Variants in AIG1 observed in about 807,000 individuals in gnomAD.
The protein encoded by AIG1 is androgen-induced gene 1 protein.
Under a neutral mutation model 31.4 loss-of-function variants are expected in AIG1, and 23 were observed. The observed-to-expected ratio is 0.73, with a 90% confidence interval of 0.53 to 1.04. The LOEUF (loss-of-function observed/expected upper bound fraction) is 1.04, where lower values mean the gene tolerates loss of function less well. Among genes scored for constraint, AIG1 ranks in the 50% least tolerant of loss-of-function variants. AIG1 has a pLI of 0.00. For missense variants in AIG1, 274 were observed against 295.0 expected (o/e 0.93, Z 0.52); for synonymous variants, 100 against 110.5 (o/e 0.90, Z 0.60).
chr6:143,205,596 C>T (rs1791049747), intron 3 of AIG1, among the ~76,000 whole-genome samples: 1 of 152,192 alleles, frequency 6.6e-6, no homozygotes, highest in Non-Finnish European at 1.5e-5. Context: ...GTAAAGTACA[C>T]AAATTGGATT....
downstream of AIG1, chr6:143,343,067 GTGCATCTCGCGCCATCATGA>G (rs1233857640): frequency 1.4e-5 from 11 of 782,418 alleles, no homozygotes; most frequent in African/African-American, 1.7e-4. Flanking sequence ...CCATCACTTG[GTGCATCTCGCGCCATCATGA>G]TGATCCTCGC....
chr6:143,304,627 C>T (rs952402770), intron 4 of AIG1, among the ~76,000 whole-genome samples: 8 of 151,936 alleles, frequency 5.3e-5, no homozygotes, highest in African/African-American at 1.7e-4. Context: ...ATTCAGTTTG[C>T]CAGTATTTTA....
chr6:143,180,638 G>T (rs1327716889), intron 3 of AIG1, among the ~76,000 whole-genome samples: 2 of 152,152 alleles, frequency 1.3e-5, no homozygotes, highest in Admixed American at 6.5e-5. Context: ...ACTAATTCAT[G>T]TTTATAAAGT....
At position 143,143,546 on chromosome 6, in the gene AIG1, TATATATATAC is replaced by T. The variant is rs1269624152; in HGVS notation, c.297+6558_297+6567del. Among the ~76,000 whole-genome samples, 1,100 of 117,142 alleles carry T rather than the reference TATATATATAC, an allele frequency of 9.4e-3. 49 individuals are homozygous for T. The highest frequency in any genetic ancestry group is 0.036 in the African/African-American group (984 of 27,248). The allele number at this position is 117,142 out of a possible 152,430, so 76.8% of individuals were successfully genotyped here. On this transcript the variant is annotated intron_variant, in intron 2 of 5. Transcript: ENST00000357847. ...AAAAAAAAATATATATATATATATA[TATATATATAC>T]ACACACACTTAATATCTTCTGATCC...
intron 3 of AIG1, 126 bp downstream of exon 3, chr6:143,165,309 G>A: frequency 1.5e-6 from 1 of 677,582 alleles, no homozygotes; most frequent in South Asian, 1.9e-5. Context: ...GTTATAATGG[G>A]AGATTAAAAT....
At chr6:143,263,759 A>G (rs192336404) in intron 3 of AIG1, among the ~76,000 whole-genome samples, 2 of 152,336 alleles carry the variant, frequency 1.3e-5, no homozygotes, top group East Asian at 1.9e-4. Flanking sequence ...TAATGGTTGT[A>G]TAATATTCCA....
At chr6:143,132,553 G>A (rs954075009) in intron 1 of AIG1, among the ~76,000 whole-genome samples, 7 of 151,728 alleles carry the variant, frequency 4.6e-5, no homozygotes, top group Non-Finnish European at 5.9e-5. Flanking sequence ...GGATTGATAC[G>A]GTTTTCTTTG....
At chr6:143,281,872 C>G (rs751652032) in intron 3 of AIG1, among the ~76,000 whole-genome samples, 1 of 152,174 alleles carries the variant, frequency 6.6e-6, no homozygotes, top group Non-Finnish European at 1.5e-5. Flanking sequence ...ACAAAAAGAT[C>G]TTTTGTCTGT....
chr6:143,337,847 C>T (rs926423896), intron 5 of AIG1: 2 of 396,826 alleles, frequency 5.0e-6, no homozygotes, highest in African/African-American at 4.1e-5. Flanking sequence ...AGTCTTGTCC[C>T]CTCTGGTCCC....
At chr6:143,119,075 T>A (rs1053805423) in intron 1 of AIG1, among the ~76,000 whole-genome samples, 13 of 152,144 alleles carry the variant, frequency 8.5e-5, no homozygotes, top group Admixed American at 4.6e-4. Flanking sequence ...AATTTCATCA[T>A]GTTGCCCAGG....
chr6:143,165,137 C>T lies in AIG1; in HGVS notation c.353C>T (p.Pro118Leu), dbSNP rs138489752. 2.1e-5 allele frequency: 34 copies of T among 1,613,402 alleles called. No individual in the cohort carries two copies. The South Asian group carries it at 3.0e-4, about 14-fold the overall frequency. Residue 118 changes from proline to leucine, a missense_variant, in exon 3 of 6, where the codon CCG becomes CTG. Transcript: ENST00000357847. ...GCCTATGACAGAGAGATGATATACC[C>T]GAAGCTGCTGGATAATTTTATCCCA... Reference protein sequence around the residue: ...IYAYDREMIYPKLLDNFIPGW... With the variant: ...IYAYDREMIYLKLLDNFIPGW...
At chr6:143,272,867 A>G (rs1796628685) in intron 3 of AIG1, among the ~76,000 whole-genome samples, 1 of 152,210 alleles carries the variant, frequency 6.6e-6, no homozygotes, top group Non-Finnish European at 1.5e-5. Context: ...GCGGTGGCTC[A>G]TGCCTGTGAT....
intron 1 of AIG1, among the ~76,000 whole-genome samples, chr6:143,064,877 C>A (rs1327285979): frequency 6.6e-6 from 1 of 152,154 alleles, no homozygotes; most frequent in Non-Finnish European, 1.5e-5. Flanking sequence ...TTTAATTCAC[C>A]TGGGTGCAGG....
chr6:143,138,892 C>CA (rs36106013), intron 2 of AIG1, among the ~76,000 whole-genome samples: 2,140 of 72,626 alleles, frequency 0.029, 47 homozygotes, highest in East Asian at 0.12. Context: ...GACTCTGTCT[C>CA]AAAAAAAAAA....
intron 3 of AIG1, among the ~76,000 whole-genome samples, chr6:143,253,145 C>G (rs1020367315): frequency 4.6e-5 from 7 of 152,316 alleles, no homozygotes; most frequent in African/African-American, 1.4e-4. Flanking sequence ...CAGCCGCACT[C>G]GAGGGCATGA....
intron 3 of AIG1, among the ~76,000 whole-genome samples, chr6:143,264,472 C>T (rs1325331940): frequency 2.0e-5 from 3 of 152,220 alleles, no homozygotes; most frequent in Non-Finnish European, 4.4e-5. Flanking sequence ...ATGGGCAGGG[C>T]ACGGGTGCCT....
chr6:143,145,439 G>T (rs940375174), intron 2 of AIG1, among the ~76,000 whole-genome samples: 2 of 152,172 alleles, frequency 1.3e-5, no homozygotes, highest in African/African-American at 4.8e-5. Context: ...AAAGCACCAA[G>T]CATCACATCC....
chr6:143,166,763 A>G (rs1044085698), intron 3 of AIG1, among the ~76,000 whole-genome samples: 2 of 152,184 alleles, frequency 1.3e-5, no homozygotes, highest in African/African-American at 4.8e-5. Context: ...CAGTGATTGT[A>G]TCATTAAATT....
chr6:143,273,591 A>G (rs1235447803), intron 3 of AIG1, among the ~76,000 whole-genome samples: 2 of 152,200 alleles, frequency 1.3e-5, no homozygotes, highest in East Asian at 1.9e-4. Context: ...GGTAATTTAT[A>G]AAGAATGAGA....
Sources: gnomAD v4.1 joint callset for allele counts (sites outside exome capture counted in the v4.1 genomes callset) on GRCh38, gnomAD v4.1.1 for gene constraint, MANE v1.5 for transcripts, NCBI Gene and HGNC (gene_info 2026-07-23, HGNC 2026-07-21) for gene names.